BAHD1: variants seen among roughly 807,000 people sequenced by gnomAD.
The protein encoded by BAHD1 is bromo adjacent homology domain-containing 1 protein.
Under a neutral mutation model 63.1 loss-of-function variants are expected in BAHD1, and 20 were observed. That is an observed-to-expected ratio of 0.32 (90% CI 0.22 to 0.46). The LOEUF is 0.46. BAHD1 is among the 20% of genes least tolerant of loss of function. The pLI is 1.00. For missense variants in BAHD1, 939 were observed against 1,071.8 expected (o/e 0.88, Z 1.73); for synonymous variants, 408 against 426.8 (o/e 0.96, Z 0.54).
rs1385097659 is a variant in BAHD1 at position 40,461,983 on chromosome 15, C to G, written c.1504C>G (p.Pro502Ala). 18 of 1,612,882 alleles carry G rather than the reference C, an allele frequency of 1.1e-5. No individual in the cohort carries two copies. The highest frequency in any genetic ancestry group is 1.5e-5 in the Non-Finnish European group (18 of 1,179,158). ...TGGCCACCCAGCCTCACCCGCCCAC[C>G]CACTCCTGGGGTGCCCTGTACCCAG... ...EAGHPASPAH[P>A]LLGCPVPSVP... The change falls in exon 3 of 7, where the codon CCA becomes GCA. Residue 502 changes from proline to alanine, a missense_variant. By Grantham distance (27) the Pro-to-Ala change is conservative. Coordinates refer to ENST00000416165, the MANE Select transcript of BAHD1 (RefSeq NM_014952.5).
chr15:40,440,624 G>T (rs1893370568), upstream of BAHD1, among the ~76,000 whole-genome samples: 1 of 152,054 alleles, frequency 6.6e-6, no homozygotes, highest in African/African-American at 2.4e-5. Context: ...TGGGATACGG[G>T]CTCAGGTTCT....
chr15:40,449,041 C>G (rs1043237607), intron 1 of BAHD1, among the ~76,000 whole-genome samples: 11 of 151,882 alleles, frequency 7.2e-5, no homozygotes, highest in African/African-American at 2.7e-4. Context: ...GCCTTGAACT[C>G]CCAACCTCAG....
At position 40,466,343 on chromosome 15, in the gene BAHD1, C is replaced by T. The variant is rs1894207323; in HGVS notation, c.*213C>T. On this transcript the variant is annotated 3_prime_UTR_variant, in exon 7 of 7. Coordinates refer to ENST00000416165, the MANE Select transcript of BAHD1 (RefSeq NM_014952.5). ...GGTATAAGAAAAGCATCAGAACTCTCAGCTTGGCCCAAGGTACCTTCTGTG... is the reference window on the plus strand; with the variant it reads ...GGTATAAGAAAAGCATCAGAACTCTTAGCTTGGCCCAAGGTACCTTCTGTG... 4.3e-6 allele frequency: 2 copies of T among 466,020 alleles called. No homozygotes were observed. The highest frequency in any genetic ancestry group is 7.6e-6 in the Non-Finnish European group (2 of 264,858). The allele number at this position is 466,020 out of a possible 1,614,324, so 28.9% of individuals were successfully genotyped here.
rs1242840725 is a variant in BAHD1 at position 40,458,382 on chromosome 15, A to C, written c.-14-69A>C. 4.6e-6 allele frequency: 7 copies of C among 1,506,362 alleles called. No individual in the cohort carries two copies. In the African/African-American group the frequency reaches 9.8e-5, roughly 21 times the overall value. The allele number at this position is 1,506,362 out of a possible 1,614,324, so 93.3% of individuals were successfully genotyped here. A position where few individuals can be genotyped will look rare whatever the true frequency, so the allele number is the denominator to read the frequency against. On this transcript the variant is annotated intron_variant, in intron 1 of 6. Coordinates refer to ENST00000416165, the MANE Select transcript of BAHD1 (RefSeq NM_014952.5). The surrounding 1 kb of genome is among the most constrained non-coding windows in gnomAD (Gnocchi z 4.7). ...CTGCACCTGGGGCTGGGTAGGCTGC[A>C]GTGGGAGAGAAAGCAGGCAGGAGCA... is the stretch of plus-strand genomic sequence containing the variant.
At chr15:40,465,823 A>G in intron 6 of BAHD1, 118 bp from the exon 7 acceptor site, 2 of 1,059,166 alleles carry the variant, frequency 1.9e-6, no homozygotes, top group Non-Finnish European at 2.8e-6. Context: ...AGACAGTACC[A>G]CCCCTTGGGG....
chr15:40,463,958 C>T lies in BAHD1; in HGVS notation c.1913C>T (p.Pro638Leu). Residue 638 changes from proline (P) to leucine (L), a missense_variant, in exon 4 of 7, where the codon CCA becomes CTA. Pro to Leu is a moderately conservative substitution (Grantham distance 98). Around this residue, in one of 5 missense-constraint regions of BAHD1, gnomAD observed 8 missense variants for 47.7 expected, o/e 0.17. Coordinates refer to ENST00000416165, the MANE Select transcript of BAHD1 (RefSeq NM_014952.5). ...GACACCGTCCTTCTCAAATCAGGCCCACGAAAGACCTCCACACCTTATGTG... is the reference window on the plus strand; with the variant it reads ...GACACCGTCCTTCTCAAATCAGGCCTACGAAAGACCTCCACACCTTATGTG... ...VRDTVLLKSG[P>L]RKTSTPYVAK... 1 of 1,614,212 alleles carries T rather than the reference C, an allele frequency of 6.2e-7. No homozygotes were observed. Among genetic ancestry groups the T allele is most frequent in the Non-Finnish European group, 8.5e-7 (1 of 1,180,046 alleles).
upstream of BAHD1, chr15:40,439,920 G>C (rs922638288): frequency 6.6e-6 from 1 of 152,324 alleles, no homozygotes; most frequent in Non-Finnish European, 1.5e-5. Flanking sequence ...ACGTCTGTGG[G>C]GGTGAGAGAC....
At chr15:40,463,740 AAAACCAAGGTAGTGGTTTGACT>A (rs1364911529) in intron 3 of BAHD1, 99 bp from the exon 4 acceptor site, 5 of 1,151,110 alleles carry the variant, frequency 4.3e-6, no homozygotes, top group African/African-American at 1.6e-5. Flanking sequence ...GTGGTTTGAC[AAAACCAAGGTAGTGGTTTGACT>A]ATCTTGAGGA....
Position 40,466,101 on chromosome 15 carries a change from C to T in BAHD1, c.2314C>T (p.His772Tyr), listed in dbSNP as rs1317033496. ...TTGCCGCCATGTCTATGACTTCCGCCACGGGCGCATCCTTAAGAACCCCCA... is the reference window on the plus strand; with the variant it reads ...TTGCCGCCATGTCTATGACTTCCGCTACGGGCGCATCCTTAAGAACCCCCA... The part of the protein sequence containing the change: ...FLCRHVYDFR[H>Y]GRILKNPQ The change falls in exon 7 of 7, where the codon CAC (histidine) becomes TAC (tyrosine). Residue 772 changes from histidine to tyrosine, a missense_variant. By Grantham distance (83) the His-to-Tyr change is moderately conservative. Around this residue, in one of 5 missense-constraint regions of BAHD1, gnomAD observed 68 missense variants for 86.2 expected, o/e 0.79. Coordinates refer to ENST00000416165, the MANE Select transcript of BAHD1 (RefSeq NM_014952.5). 2 of 1,613,926 alleles carry T rather than the reference C, an allele frequency of 1.2e-6. No individual in the cohort carries two copies. Among genetic ancestry groups the T allele is most frequent in the South Asian group, 1.1e-5 (1 of 91,058 alleles).
At chr15:40,437,515 C>T (rs1291370765), upstream of BAHD1, among the ~76,000 whole-genome samples, 1 of 152,222 alleles carries the variant, frequency 6.6e-6, no homozygotes, top group Non-Finnish European at 1.5e-5. Context: ...TAATTGTTGC[C>T]TTGGTGTCCC....
intron 1 of BAHD1, among the ~76,000 whole-genome samples, chr15:40,445,921 T>C (rs905403912): frequency 6.6e-6 from 1 of 152,186 alleles, no homozygotes; most frequent in Non-Finnish European, 1.5e-5. Flanking sequence ...TTTCCTGGCG[T>C]TGACTTGATG....
At chr15:40,438,721 C>T (rs140563793), upstream of BAHD1, among the ~76,000 whole-genome samples, 10 of 152,340 alleles carry the variant, frequency 6.6e-5, no homozygotes, top group Admixed American at 4.6e-4. Flanking sequence ...CCTGCCACCT[C>T]GTCCTGCTGC....
At position 40,447,087 on chromosome 15, in the gene BAHD1, C is replaced by T. The variant is rs868495704; in HGVS notation, c.-15+5819C>T. On this transcript the variant is annotated intron_variant, in intron 1 of 6. Transcript: ENST00000416165. ...TTTTTTAGAGGACCTATGTAGAAAT[C>T]GTGGGAAAGGTATTATTAGGGTGCC... Among the ~76,000 whole-genome samples, 16 of 152,168 alleles carry T rather than the reference C, an allele frequency of 1.1e-4. No individual in the cohort carries two copies. The Middle Eastern group carries it at 0.01, about 97-fold the overall frequency.
chr15:40,441,521 G>T (rs1893401421), intron 1 of BAHD1, among the ~76,000 whole-genome samples: 1 of 150,550 alleles, frequency 6.6e-6, no homozygotes, highest in Non-Finnish European at 1.5e-5. Context: ...ATCGGGGAAC[G>T]CGGCGCGCCT....
chr15:40,454,493 C>A (rs749386651), intron 1 of BAHD1: 2 of 152,174 alleles, frequency 1.3e-5, no homozygotes, highest in Non-Finnish European at 2.9e-5. Flanking sequence ...TTAGAGTACA[C>A]TTCTGAGGAT....
chr15:40,462,837 A>G (rs1366303437), intron 3 of BAHD1, among the ~76,000 whole-genome samples: 1 of 152,170 alleles, frequency 6.6e-6, no homozygotes, highest in Non-Finnish European at 1.5e-5. Flanking sequence ...AAGTAAAAAC[A>G]TTAGTTAGCC....
chr15:40,461,839 A>C, intron 2 of BAHD1, 73 bp from the exon 3 acceptor site: 1 of 1,504,858 alleles, frequency 6.6e-7, no homozygotes, highest in Non-Finnish European at 8.9e-7. Context: ...TTAAGACAGG[A>C]GCAGGCTCTG....
chr15:40,464,413 CCTGT>C lies in BAHD1; in HGVS notation c.1976-55_1976-52del, dbSNP rs1894143411. ...CCAGGGCAGCCAGCCAGCCTCTCTG[CCTGT>C]CTAAGTAACTCAGGTTGCCAGTTCA... On this transcript the variant is annotated intron_variant, in intron 4 of 6. Transcript: ENST00000416165. 1.6e-5 allele frequency: 23 copies of C among 1,458,348 alleles called. No homozygotes were observed. In the East Asian group the frequency reaches 2.1e-4, roughly 13 times the overall value. 90.3% of individuals were successfully genotyped at this position (1,458,348 alleles called of 1,614,324 possible). A position where few individuals can be genotyped will look rare whatever the true frequency, so the allele number is the denominator to read the frequency against.
chr15:40,459,996 G>A (rs1379031215), intron 2 of BAHD1, 100 bp downstream of exon 2: 1 of 1,385,482 alleles, frequency 7.2e-7, no homozygotes, highest in Non-Finnish European at 9.5e-7. Flanking sequence ...CTTGGGGTCT[G>A]GCTGCTAACT....
Sources: gnomAD v4.1 joint callset for allele counts (sites outside exome capture counted in the v4.1 genomes callset) on GRCh38, gnomAD v4.1.1 for gene constraint, gnomAD v4.1.1 regional missense constraint, Gnocchi (gnomAD v3.1) non-coding constraint, MANE v1.5 for transcripts, NCBI Gene and HGNC (gene_info 2026-07-23, HGNC 2026-07-21) for gene names.